The following BMP6 variants were observed in gnomAD, a reference collection of about 807,000 sequenced individuals.
BMP6 encodes the protein bone morphogenetic protein 6, also known as VG-1-R.
BMP6 carries 17 observed loss-of-function variants against 54.1 expected under a neutral mutation model. The observed-to-expected ratio is 0.31, with a 90% CI of 0.22 to 0.47. The LOEUF is 0.47. Among genes scored for constraint, BMP6 ranks in the 20% least tolerant of loss-of-function variants. The pLI, the probability that BMP6 is intolerant of heterozygous loss-of-function variation, is 1.00. For missense variants in BMP6, 720 were observed against 690.4 expected, an observed-to-expected ratio of 1.04 and a Z score of -0.48; for synonymous variants, 328 against 291.2, an observed-to-expected ratio of 1.13 and a Z score of -1.28.
intron 4 of BMP6, among the ~76,000 whole-genome samples, chr6:7,863,590 C>T (rs953288369): frequency 6.6e-6 from 1 of 152,116 alleles, no homozygotes; most frequent in African/African-American, 2.4e-5. Context: ...CTCTGATTGG[C>T]CAGACCTGAA....
intron 1 of BMP6, among the ~76,000 whole-genome samples, chr6:7,822,484 A>G (rs1312966117): frequency 6.6e-6 from 1 of 152,070 alleles, no homozygotes; most frequent in Non-Finnish European, 1.5e-5. Flanking sequence ...CCAGTTCCGG[A>G]ACCACCTTGT....
Position 7,880,604 on chromosome 6 carries a change from C to T in BMP6, c.*261C>T. On this transcript the variant is annotated 3_prime_UTR_variant, in exon 7 of 7. Coordinates refer to ENST00000283147, the MANE Select transcript of BMP6 (RefSeq NM_001718.6). The stretch of plus-strand genomic sequence containing the variant: ...AGGTCTGGTAACTGCAGAAACATAA[C>T]CGTGAAGCTCTTCCTACCCTCCTCC... The T allele has an allele frequency of 2.0e-6, 1 of 488,948 alleles. No homozygotes were observed. Among genetic ancestry groups the T allele is most frequent in the Non-Finnish European group, 3.6e-6 (1 of 274,268 alleles). The allele number at this position is 488,948 out of a possible 1,614,324, so 30.3% of individuals were successfully genotyped here.
chr6:7,813,108 A>AAAAT (rs1554122651), intron 1 of BMP6, among the ~76,000 whole-genome samples: 6 of 21,498 alleles, frequency 2.8e-4, no homozygotes, highest in Non-Finnish European at 3.8e-4. Context: ...AAAAAAAAAA[A>AAAAT]ATATATATAT....
intron 1 of BMP6, among the ~76,000 whole-genome samples, chr6:7,843,088 C>G (rs1195904840): frequency 6.6e-6 from 1 of 152,170 alleles, no homozygotes; most frequent in Non-Finnish European, 1.5e-5. Flanking sequence ...GATACACCGT[C>G]CTGTGTGGGT....
intron 4 of BMP6, among the ~76,000 whole-genome samples, chr6:7,864,348 G>T (rs1455634009): frequency 6.6e-6 from 1 of 152,160 alleles, no homozygotes; most frequent in Non-Finnish European, 1.5e-5. Context: ...GTAAGATGGG[G>T]ATGATGAATG....
Position 7,867,953 on chromosome 6 carries a change from A to C in BMP6, c.1204+5455A>C, listed in dbSNP as rs190976520. Among the ~76,000 whole-genome samples, 221 of 152,346 alleles carry C rather than the reference A, an allele frequency of 1.5e-3. 2 individuals are homozygous for C. Among genetic ancestry groups the C allele is most frequent in the Non-Finnish European group, 1.9e-3 (127 of 68,034 alleles). On this transcript the variant is annotated intron_variant, in intron 4 of 6. Coordinates refer to ENST00000283147, the MANE Select transcript of BMP6 (RefSeq NM_001718.6). ...AACAATTCTAAAAGGCAATAAGAAG[A>C]AGCTTATGCAGGTACCGTGAGATGC...
chr6:7,726,898 C>A lies in BMP6; in HGVS notation c.-58C>A. 2.8e-6 allele frequency: 3 copies of A among 1,077,470 alleles called. No homozygotes were observed. The highest frequency in any genetic ancestry group is 3.4e-6 in the Non-Finnish European group (3 of 885,318). 66.7% of individuals were successfully genotyped at this position (1,077,470 alleles called of 1,614,324 possible). On this transcript the variant is annotated 5_prime_UTR_variant, in exon 1 of 7. Transcript: ENST00000283147. ...AAGGGCCACAGCGGCCGCGCTCCGG[C>A]CTCGCTCCGCCGCTCCACGCCTCGC...
Position 7,879,148 on chromosome 6 carries a change from C to A in BMP6, c.1279C>A (p.Gln427Lys), listed in dbSNP as rs749977284. The A allele has an allele frequency of 1.9e-6, 3 of 1,613,574 alleles. No homozygotes were observed. The highest frequency in any genetic ancestry group is 2.2e-5 in the South Asian group (2 of 91,066). Residue 427 changes from glutamine (Q) to lysine (K), a missense_variant and splice_region_variant, in exon 5 of 7, where the codon CAG becomes AAG. Around this residue, in one of 3 missense-constraint regions of BMP6, gnomAD observed 27 missense variants for 80.1 expected, o/e 0.34. Coordinates refer to ENST00000283147, the MANE Select transcript of BMP6 (RefSeq NM_001718.6). ...LYVSFQDLGW[Q>K]DWIIAPKGYA... ...TGTGAGTTTCCAAGACCTGGGATGG[C>A]AGGTGAGTTCTCTGGACACGGGGGA...
chr6:7,796,068 C>G (rs1257064653), intron 1 of BMP6, among the ~76,000 whole-genome samples: 2 of 152,058 alleles, frequency 1.3e-5, no homozygotes, highest in Non-Finnish European at 2.9e-5. Context: ...GAGTTAACAC[C>G]ATGAGGGCAG....
intron 1 of BMP6, among the ~76,000 whole-genome samples, chr6:7,787,880 T>C (rs1228744904): frequency 1.3e-5 from 2 of 152,220 alleles, no homozygotes. Flanking sequence ...TTTTTGCTGA[T>C]AGGTGGGTTT....
intron 1 of BMP6, among the ~76,000 whole-genome samples, chr6:7,737,470 G>T (rs1379256935): frequency 6.6e-6 from 1 of 152,032 alleles, no homozygotes; most frequent in African/African-American, 2.4e-5. Context: ...TTTTTATGGG[G>T]TCTGTTTAGG....
At chr6:7,874,774 C>CA (rs1759579632) in intron 4 of BMP6, among the ~76,000 whole-genome samples, 1 of 151,328 alleles carries the variant, frequency 6.6e-6, no homozygotes, top group African/African-American at 2.4e-5. Flanking sequence ...CCCACAAAAA[C>CA]AAAAAAATCC....
At chr6:7,829,761 T>G (rs1182240588) in intron 1 of BMP6, among the ~76,000 whole-genome samples, 1 of 152,030 alleles carries the variant, frequency 6.6e-6, no homozygotes, top group Non-Finnish European at 1.5e-5. Flanking sequence ...TGCAGAGCAT[T>G]TTGGTCACAG....
At chr6:7,844,867 C>CT (rs1465903160) in intron 1 of BMP6, among the ~76,000 whole-genome samples, 1 of 152,190 alleles carries the variant, frequency 6.6e-6, no homozygotes, top group Non-Finnish European at 1.5e-5. Context: ...GTTTTCATAA[C>CT]TTGCTCTCAT....
At chr6:7,755,049 T>C (rs1032467810) in intron 1 of BMP6, among the ~76,000 whole-genome samples, 2 of 152,244 alleles carry the variant, frequency 1.3e-5, no homozygotes, top group Non-Finnish European at 2.9e-5. Flanking sequence ...TTTTAACTTA[T>C]CTGTGTCTTT....
At chr6:7,856,633 G>T (rs1451502142) in intron 2 of BMP6, among the ~76,000 whole-genome samples, 6 of 73,312 alleles carry the variant, frequency 8.2e-5, no homozygotes, top group African/African-American at 3.6e-4. Flanking sequence ...GTCTCGCTCT[G>T]TCGCCCAGGC....
intron 1 of BMP6, among the ~76,000 whole-genome samples, chr6:7,807,210 C>G (rs1758359400): frequency 6.6e-6 from 1 of 152,166 alleles, no homozygotes; most frequent in Admixed American, 6.5e-5. Flanking sequence ...TTTCGATATA[C>G]AAAGGGCAGC....
chr6:7,814,933 A>G (rs1259774818), intron 1 of BMP6, among the ~76,000 whole-genome samples: 1 of 152,150 alleles, frequency 6.6e-6, no homozygotes, highest in Non-Finnish European at 1.5e-5. Context: ...ATGTATACCT[A>G]TGTAACAAAA....
chr6:7,779,424 C>T (rs186108929), intron 1 of BMP6, among the ~76,000 whole-genome samples: 5 of 152,204 alleles, frequency 3.3e-5, no homozygotes, highest in African/African-American at 1.2e-4. Context: ...CTTCAACCTC[C>T]ACCTCCCAGG....
Sources: allele counts gnomAD v4.1 joint callset (sites outside exome capture counted in the v4.1 genomes callset), GRCh38; gene constraint gnomAD v4.1.1; regional missense constraint gnomAD v4.1.1; transcripts MANE v1.5; gene names NCBI Gene and HGNC (gene_info 2026-07-23, HGNC 2026-07-21).